PCDHA4: variants seen among roughly 807,000 people sequenced by gnomAD.
The protein encoded by PCDHA4 is protocadherin alpha-4.
Under a neutral mutation model 61.4 loss-of-function variants are expected in PCDHA4, and 49 were observed. That is an observed-to-expected ratio of 0.80 (90% confidence interval 0.63 to 1.01). The LOEUF is 1.01. Among genes scored for constraint, PCDHA4 ranks in the 50% least tolerant of loss-of-function variants. The pLI, the probability that PCDHA4 is intolerant of heterozygous loss-of-function variation, is 0.00. For synonymous variants in PCDHA4, 590 were observed against 550.3 expected, an observed-to-expected ratio of 1.07 and a Z score of -1.01; for missense variants, 1,254 against 1,235.8, an observed-to-expected ratio of 1.01 and a Z score of -0.22.
intron 1 of PCDHA4, chr5:140,830,908 T>C (rs1771286150): frequency 6.6e-6 from 1 of 152,406 alleles, no homozygotes; most frequent in East Asian, 1.9e-4. Context: ...TTTTACACTT[T>C]CCATTTCAAT....
chr5:140,858,503 T>C, intron 1 of PCDHA4: 1 of 1,458,120 alleles, frequency 6.9e-7, no homozygotes. Flanking sequence ...CCGCATTTTC[T>C]CAAATATGTA....
chr5:140,900,502 C>T (rs1242310833), intron 1 of PCDHA4, among the ~76,000 whole-genome samples: 3 of 152,184 alleles, frequency 2.0e-5, no homozygotes, highest in Non-Finnish European at 4.4e-5. Context: ...GTCTCAAATT[C>T]CCAGCCTCAG....
At chr5:140,981,128 G>A (rs1340714771) in intron 2 of PCDHA4, among the ~76,000 whole-genome samples, 1 of 152,214 alleles carries the variant, frequency 6.6e-6, no homozygotes, top group Non-Finnish European at 1.5e-5. Flanking sequence ...GTTGTTTGAA[G>A]TCAAAGAGTG....
At chr5:140,825,489 C>T (rs189217781) in intron 1 of PCDHA4, 5 of 150,238 alleles carry the variant, frequency 3.3e-5, no homozygotes, top group East Asian at 3.9e-4. Context: ...GTTGCCCAAA[C>T]GAGTGCAATG....
intron 1 of PCDHA4, chr5:140,857,107 T>C (rs1206126233): frequency 6.3e-7 from 1 of 1,597,628 alleles, no homozygotes; most frequent in Non-Finnish European, 8.6e-7. Flanking sequence ...TTGTCACTTC[T>C]CTGTCTCTCC....
At chr5:140,907,197 A>G (rs2073229380) in intron 1 of PCDHA4, among the ~76,000 whole-genome samples, 1 of 152,166 alleles carries the variant, frequency 6.6e-6, no homozygotes, top group Non-Finnish European at 1.5e-5. Context: ...AACCTTCTGG[A>G]GAATTTTGCC....
rs17844284 is a variant in PCDHA4, at chr5:140,809,115, C to A, written c.1928C>A (p.Pro643Gln). 1 of 1,613,980 alleles carries A rather than the reference C, an allele frequency of 6.2e-7. No individual in the cohort carries two copies. The highest frequency in any genetic ancestry group is 1.7e-5 in the Admixed American group (1 of 60,032). ...CGTGCCCTGGACGAAACGGACGCTC[C>A]GCGCCACCGCCTACTGGTACTGGTG... ...TTRALDETDA[P>Q]RHRLLVLVKD... Residue 643 changes from proline to glutamine, a missense_variant, in exon 1 of 4, where the codon CCG becomes CAG. Physicochemically the swap from Pro to Gln is moderately conservative, Grantham distance 76. Transcript: ENST00000530339.
rs1554169144 is a variant in PCDHA4, at chr5:140,876,947, A to T, written c.2385+67375A>T. On this transcript the variant is annotated intron_variant, in intron 1 of 3. Transcript: ENST00000530339. ...GCGCAGAAGAACGCGCTGGTGTCCT[A>T]CTCGCTGGTGGAGCGGCGGGTGGGC... 1 of 1,613,496 alleles carries T rather than the reference A, an allele frequency of 6.2e-7. No homozygotes were observed. The highest frequency in any genetic ancestry group is 8.5e-7 in the Non-Finnish European group (1 of 1,179,858).
intron 1 of PCDHA4, chr5:140,968,411 G>C (rs895173088): frequency 1.9e-6 from 3 of 1,614,012 alleles, no homozygotes; most frequent in South Asian, 1.1e-5. Context: ...CTTTGTGACT[G>C]TGGAGGCTCA....
chr5:140,849,881 G>T, intron 1 of PCDHA4: 1 of 1,598,596 alleles, frequency 6.3e-7, no homozygotes, highest in Non-Finnish European at 8.6e-7. Flanking sequence ...AGTACACGGT[G>T]TTCGTGAAGG....
intron 1 of PCDHA4, chr5:140,823,486 G>A: frequency 6.2e-7 from 1 of 1,613,254 alleles, no homozygotes; most frequent in Non-Finnish European, 8.5e-7. Flanking sequence ...TCGAGTGGGT[G>A]GCACCGGCGG....
Position 140,807,162 on chromosome 5 carries a change from T to A in PCDHA4, c.-26T>A. Reference sequence around the variant, plus strand: ...CTTGACTTTGAGAAACGATATTTAATCAGAACAAAATACTGTGCACTAAAG... The same window carrying A: ...CTTGACTTTGAGAAACGATATTTAAACAGAACAAAATACTGTGCACTAAAG... On this transcript the variant is annotated 5_prime_UTR_variant, in exon 1 of 4. Transcript: ENST00000530339. 6.3e-7 allele frequency: 1 copy of A among 1,594,640 alleles called. No homozygotes were observed. The highest frequency in any genetic ancestry group is 8.5e-7 in the Non-Finnish European group (1 of 1,170,424).
At position 140,991,361 on chromosome 5, in the gene PCDHA4, G is replaced by A. The variant is rs1183124741; in HGVS notation, c.2533+8798G>A. On this transcript the variant is annotated intron_variant, in intron 3 of 3. Transcript: ENST00000530339. ...GGTAACTTGGAAAAGACTATTTACT[G>A]TCTGAGTTCTAGGCCAACTGTAGGG... Among the ~76,000 whole-genome samples, 3 of 152,200 alleles carry A rather than the reference G, an allele frequency of 2.0e-5. No individual in the cohort carries two copies. In the East Asian group the frequency reaches 5.8e-4, roughly 29 times the overall value.
rs149656802 is a variant in PCDHA4, at chr5:141,008,452, C to T, written c.2534-1175C>T. ...TTTGCCCAGACAGACCATTACCCTTCCTCTCCAGCTCTGACTTCTACTCTT... is the reference window on the plus strand; with the variant it reads ...TTTGCCCAGACAGACCATTACCCTTTCTCTCCAGCTCTGACTTCTACTCTT... On this transcript the variant is annotated intron_variant, in intron 3 of 3. Coordinates refer to ENST00000530339, the MANE Select transcript of PCDHA4 (RefSeq NM_018907.4). Among the ~76,000 whole-genome samples, 286 of 152,284 alleles carry T rather than the reference C, an allele frequency of 1.9e-3. 2 individuals carry two copies. Among genetic ancestry groups the T allele is most frequent in the African/African-American group, 6.5e-3 (272 of 41,548 alleles).
At chr5:140,849,947 G>C in intron 1 of PCDHA4, 1 of 1,597,838 alleles carries the variant, frequency 6.3e-7, no homozygotes, top group East Asian at 2.2e-5. Context: ...ACGCTGACGC[G>C]CAGGAGAACG....
chr5:140,820,743 G>A (rs1177782714), intron 1 of PCDHA4, among the ~76,000 whole-genome samples: 1 of 152,002 alleles, frequency 6.6e-6, no homozygotes, highest in Admixed American at 6.6e-5. Context: ...TTGTGAAATA[G>A]TATGTCATAT....
Position 140,882,813 on chromosome 5 carries a change from C to A in PCDHA4, c.2385+73241C>A, listed in dbSNP as rs782169035. 2 of 1,614,058 alleles carry A rather than the reference C, an allele frequency of 1.2e-6. No individual in the cohort carries two copies. The highest frequency in any genetic ancestry group is 3.3e-5 in the Admixed American group (2 of 60,002). On this transcript the variant is annotated intron_variant, in intron 1 of 3. Transcript: ENST00000530339. ...CCCAACGATTATTTCACTTTGGACG[C>A]ACAAAACAGTCTTGAGCAAATGTCT...
intron 1 of PCDHA4, chr5:140,830,296 C>G: frequency 1.2e-6 from 2 of 1,613,846 alleles, no homozygotes; most frequent in Non-Finnish European, 1.7e-6. Context: ...GCACGGCGGA[C>G]AAGCCCACGC....
At position 140,915,662 on chromosome 5, in the gene PCDHA4, G is replaced by T. The variant is rs75670796; in HGVS notation, c.2386-63287G>T. On this transcript the variant is annotated intron_variant, in intron 1 of 3. Transcript: ENST00000530339. ...TCTCTCTCTCTCTCTCTCTCAAGGT[G>T]CTGGGCCATCTTGAACTAGGGGTAT... is the stretch of plus-strand genomic sequence containing the variant. 8.2e-3 allele frequency among the ~76,000 whole-genome samples: 1,195 copies of T among 145,332 alleles called. 7 individuals are homozygous for T. Among genetic ancestry groups the T allele is most frequent in the African/African-American group, 0.02 (782 of 39,430 alleles).
Sources: allele counts gnomAD v4.1 joint callset (sites outside exome capture counted in the v4.1 genomes callset), GRCh38; gene constraint gnomAD v4.1.1; transcripts MANE v1.5; gene names NCBI Gene and HGNC (gene_info 2026-07-23, HGNC 2026-07-21).